The following VAX2 variants were observed in gnomAD, a reference collection of about 807,000 sequenced individuals.
VAX2 encodes the protein ventral anterior homeobox 2.
Under a neutral mutation model 12.5 loss-of-function variants are expected in VAX2, and 8 were observed. That is an observed-to-expected ratio of 0.64 (90% CI 0.37 to 1.15). The LOEUF (loss-of-function observed/expected upper bound fraction) is 1.15. Ranked by LOEUF, VAX2 falls within the 50% of genes most tolerant of loss-of-function variation. The pLI is 0.01. For synonymous variants in VAX2, 183 were observed against 187.6 expected, an observed-to-expected ratio of 0.98 and a Z score of 0.20; for missense variants, 476 against 412.9, an observed-to-expected ratio of 1.15 and a Z score of -1.32.
chr2:70,916,123 T>C (rs1177304482), intron 1 of VAX2, among the ~76,000 whole-genome samples: 1 of 152,218 alleles, frequency 6.6e-6, no homozygotes, highest in Non-Finnish European at 1.5e-5. Flanking sequence ...TCGTGTTTTT[T>C]CTACTAATGG....
chr2:70,907,354 C>A (rs1251601300), intron 1 of VAX2, among the ~76,000 whole-genome samples: 1 of 151,898 alleles, frequency 6.6e-6, no homozygotes. Context: ...TCCCGGCTTT[C>A]GGCTTTCGGC....
chr2:70,911,122 G>A (rs535848357), intron 1 of VAX2, among the ~76,000 whole-genome samples: 11 of 152,196 alleles, frequency 7.2e-5, no homozygotes, highest in African/African-American at 2.6e-4. Context: ...AGAAGAGTGA[G>A]GTGCTTCTTT....
rs781942892 is a variant in VAX2 at position 70,914,213 on chromosome 2, C to G, written c.248-6885C>G. Among the ~76,000 whole-genome samples the G allele has an allele frequency of 3.2e-4, 49 of 152,104 alleles. 1 individual carries two copies. The highest frequency in any genetic ancestry group is 2.8e-3 in the Admixed American group (43 of 15,260). ...CTGTAATCCCAGCATTTTGGGAGGCCAAGGTGGGTGGATCACTTGAGGTCA... is the reference window on the plus strand; with the variant it reads ...CTGTAATCCCAGCATTTTGGGAGGCGAAGGTGGGTGGATCACTTGAGGTCA... On this transcript the variant is annotated intron_variant, in intron 1 of 2. Transcript: ENST00000234392.
intron 1 of VAX2, among the ~76,000 whole-genome samples, chr2:70,906,632 G>A (rs1241986815): frequency 2.9e-5 from 4 of 137,438 alleles, no homozygotes; most frequent in African/African-American, 1.1e-4. Flanking sequence ...GGGCTCAAGC[G>A]ATCCTCCCTC....
rs1678893287 is a variant in VAX2, at chr2:70,900,602, G to A, written c.-20G>A. 1 of 1,257,186 alleles carries A rather than the reference G, an allele frequency of 8.0e-7. No individual in the cohort carries two copies. Among genetic ancestry groups the A allele is most frequent in the Non-Finnish European group, 1.0e-6 (1 of 1,001,296 alleles). The allele number at this position is 1,257,186 out of a possible 1,614,324, so 77.9% of individuals were successfully genotyped here. On this transcript the variant is annotated 5_prime_UTR_variant, in exon 1 of 3. Coordinates refer to ENST00000234392, the MANE Select transcript of VAX2 (RefSeq NM_012476.3). ...GCGTAGGCTGGCTCCGCCGTAGAGGGGTTGGCAGTGGCGGTCAGCATGGGC... is the reference window on the plus strand; with the variant it reads ...GCGTAGGCTGGCTCCGCCGTAGAGGAGTTGGCAGTGGCGGTCAGCATGGGC...
At chr2:70,917,107 C>T (rs56300167) in intron 1 of VAX2, among the ~76,000 whole-genome samples, 3,588 of 148,334 alleles carry the variant, frequency 0.024, 62 homozygotes, top group South Asian at 0.039. Flanking sequence ...GCCGAGATCG[C>T]GCCACTGCAC....
At chr2:70,932,068 G>C (rs150620954) in intron 2 of VAX2, among the ~76,000 whole-genome samples, 1 of 152,310 alleles carries the variant, frequency 6.6e-6, no homozygotes, top group Non-Finnish European at 1.5e-5. Flanking sequence ...AGCTCCCCAG[G>C]TTCTCATGGG....
intron 1 of VAX2, among the ~76,000 whole-genome samples, chr2:70,910,801 A>C (rs1171909396): frequency 1.5e-5 from 1 of 65,886 alleles, no homozygotes; most frequent in Non-Finnish European, 3.3e-5. Context: ...AAAACAAAAC[A>C]AAACAAAAAA....
At chr2:70,908,166 A>G (rs1553410807) in intron 1 of VAX2, among the ~76,000 whole-genome samples, 1 of 152,238 alleles carries the variant, frequency 6.6e-6, no homozygotes, top group Non-Finnish European at 1.5e-5. Context: ...CATTTACTGT[A>G]ATAGGTAATT....
At chr2:70,916,046 A>G (rs965994911) in intron 1 of VAX2, among the ~76,000 whole-genome samples, 12 of 152,206 alleles carry the variant, frequency 7.9e-5, no homozygotes, top group African/African-American at 2.9e-4. Flanking sequence ...AACTTTTTAA[A>G]TGACATGCTT....
intron 2 of VAX2, among the ~76,000 whole-genome samples, chr2:70,922,970 C>A (rs537422452): frequency 6.6e-6 from 1 of 152,284 alleles, no homozygotes; most frequent in East Asian, 1.9e-4. Flanking sequence ...GGCACCTTGC[C>A]CTCTTCCCAA....
intron 1 of VAX2, among the ~76,000 whole-genome samples, chr2:70,908,603 A>G (rs1194627354): frequency 6.6e-6 from 1 of 152,224 alleles, no homozygotes; most frequent in Non-Finnish European, 1.5e-5. Flanking sequence ...TTGCTATTAT[A>G]TGTAATCCTG....
intron 2 of VAX2, among the ~76,000 whole-genome samples, chr2:70,928,325 C>T (rs561321538): frequency 6.6e-6 from 1 of 152,336 alleles, no homozygotes; most frequent in African/African-American, 2.4e-5. Flanking sequence ...GAAGAATACC[C>T]AGGCCTCAGC....
chr2:70,912,577 G>T (rs923832672), intron 1 of VAX2, among the ~76,000 whole-genome samples: 2 of 152,142 alleles, frequency 1.3e-5, no homozygotes, highest in East Asian at 3.9e-4. Context: ...GAGGAGAATC[G>T]CTTGAACCCG....
chr2:70,926,048 C>G (rs556061302), intron 2 of VAX2, among the ~76,000 whole-genome samples: 1 of 152,022 alleles, frequency 6.6e-6, no homozygotes, highest in South Asian at 2.1e-4. Flanking sequence ...GCTCAGGGCC[C>G]ATTTCCATGG....
chr2:70,901,879 C>T (rs1273453095), intron 1 of VAX2, among the ~76,000 whole-genome samples: 1 of 152,218 alleles, frequency 6.6e-6, no homozygotes, highest in African/African-American at 2.4e-5. Flanking sequence ...CCAGAAGAGG[C>T]CACTGGCGGT....
chr2:70,915,754 T>A (rs372893670), intron 1 of VAX2, among the ~76,000 whole-genome samples: 1 of 152,168 alleles, frequency 6.6e-6, no homozygotes, highest in East Asian at 1.9e-4. Flanking sequence ...CGTGACTTAT[T>A]GACTAAATCA....
intron 2 of VAX2, among the ~76,000 whole-genome samples, chr2:70,922,294 G>A (rs1295658314): frequency 2.0e-5 from 3 of 152,238 alleles, no homozygotes; most frequent in African/African-American, 7.2e-5. Flanking sequence ...GAGGAAGGGA[G>A]GAGGGGAATG....
chr2:70,921,493 G>A (rs1454798369), intron 2 of VAX2, among the ~76,000 whole-genome samples: 4 of 152,138 alleles, frequency 2.6e-5, no homozygotes, highest in African/African-American at 9.7e-5. Context: ...ATGCCAATGG[G>A]GGCCTTCTGG....
Sources: gnomAD v4.1 joint callset for allele counts (sites outside exome capture counted in the v4.1 genomes callset) on GRCh38, gnomAD v4.1.1 for gene constraint, MANE v1.5 for transcripts, NCBI Gene and HGNC (gene_info 2026-07-23, HGNC 2026-07-21) for gene names.